Variants in SERPINA10 observed in about 807,000 individuals in gnomAD.
The protein encoded by SERPINA10 is serpin family A member 10, also known as protein Z-dependent protease inhibitor.
In SERPINA10, 24 loss-of-function variants were observed where a neutral mutation model predicts 28.0. The observed-to-expected ratio is 0.86, with a 90% CI of 0.62 to 1.20. The LOEUF (loss-of-function observed/expected upper bound fraction) is 1.20. Among genes scored for constraint, SERPINA10 ranks in the 50% most tolerant of loss-of-function variants. SERPINA10 has a pLI of 0.00. For synonymous variants in SERPINA10, 207 were observed against 203.9 expected (o/e 1.02, Z -0.13); for missense variants, 521 against 537.7 (o/e 0.97, Z 0.31).
Position 94,283,737 on chromosome 14 carries a change from AATAT to A in SERPINA10, c.*224_*227del. ...TCATAGGTATGTATGTGTAGGAAAAAATATATATAAGGTTCAGCACTGTCCACCG... is the reference window on the plus strand; with the variant it reads ...TCATAGGTATGTATGTGTAGGAAAAAATATAAGGTTCAGCACTGTCCACCG... On this transcript the variant is annotated 3_prime_UTR_variant, in exon 5 of 5. Coordinates refer to ENST00000261994, the MANE Select transcript of SERPINA10 (RefSeq NM_001100607.3). The A allele has an allele frequency of 3.5e-6, 2 of 568,814 alleles. No homozygotes were observed. 35.2% of individuals were successfully genotyped at this position (568,814 alleles called of 1,614,324 possible).
At chr14:94,286,449 G>C (rs1024758443) in intron 3 of SERPINA10, among the ~76,000 whole-genome samples, 191 bp from the exon 4 acceptor site, 6 of 152,174 alleles carry the variant, frequency 3.9e-5, no homozygotes, top group African/African-American at 1.4e-4. Context: ...TAGTACTTCA[G>C]CTTCAGTGAA....
intron 3 of SERPINA10, among the ~76,000 whole-genome samples, chr14:94,286,872 G>A (rs1203664284): frequency 6.6e-6 from 1 of 152,152 alleles, no homozygotes; most frequent in East Asian, 1.9e-4. Flanking sequence ...GAGGGCTTAT[G>A]ATGTTTGGGG....
intron 4 of SERPINA10, among the ~76,000 whole-genome samples, chr14:94,285,098 C>G (rs992879842): frequency 6.6e-6 from 1 of 152,228 alleles, no homozygotes; most frequent in Admixed American, 6.5e-5. Flanking sequence ...TTTAGTCTCT[C>G]TTGGAATTGA....
intron 2 of SERPINA10, among the ~76,000 whole-genome samples, chr14:94,289,028 T>C (rs183331006): frequency 1.3e-5 from 2 of 152,324 alleles, no homozygotes; most frequent in East Asian, 3.9e-4. Context: ...ACCCACCCAC[T>C]GTTTAGTGTG....
intron 4 of SERPINA10, among the ~76,000 whole-genome samples, chr14:94,285,607 TA>T (rs1895004484): frequency 1.3e-5 from 2 of 152,068 alleles, no homozygotes; most frequent in African/African-American, 4.8e-5. Flanking sequence ...ATAACAATTT[TA>T]GCTATTTGTG....
chr14:94,284,959 A>G (rs147460320), intron 4 of SERPINA10, among the ~76,000 whole-genome samples: 2 of 152,316 alleles, frequency 1.3e-5, no homozygotes, highest in Middle Eastern at 3.4e-3. Context: ...TCATGTGTTC[A>G]TAGCAGAAAC....
At chr14:94,288,681 A>G (rs1895086417) in intron 2 of SERPINA10, 122 bp from the exon 3 acceptor site, 7 of 1,338,486 alleles carry the variant, frequency 5.2e-6, no homozygotes, top group African/African-American at 1.4e-5. Flanking sequence ...TCTCGTTCCA[A>G]CTAGGAAAGG....
rs768248475 is a variant in SERPINA10 at position 94,290,022 on chromosome 14, A to G, written c.572T>C (p.Val191Ala). 9.9e-6 allele frequency: 16 copies of G among 1,614,204 alleles called. No homozygotes were observed. The highest frequency in any genetic ancestry group is 1.4e-5 in the Non-Finnish European group (16 of 1,180,046). Reference sequence around the variant, plus strand: ...TGAGGCATTGCGAAAATTCATAGGCACGCACTCTGTATCAAAATACCTCTT... The same window carrying G: ...TGAGGCATTGCGAAAATTCATAGGCGCGCACTCTGTATCAAAATACCTCTT... ...LSKRYFDTEC[V>A]PMNFRNASQA... The change falls in exon 2 of 5, where the codon GTG becomes GCG. Residue 191 changes from valine to alanine, a missense_variant. Val to Ala is a moderately conservative substitution (Grantham distance 64). Coordinates refer to ENST00000261994, the MANE Select transcript of SERPINA10 (RefSeq NM_001100607.3).
At chr14:94,292,468 G>A (rs549208607) in intron 1 of SERPINA10, 168 of 622,608 alleles carry the variant, frequency 2.7e-4, no homozygotes, top group African/African-American at 2.0e-3. Flanking sequence ...AAACGATTAC[G>A]TGGCATCATT....
intron 2 of SERPINA10, among the ~76,000 whole-genome samples, chr14:94,289,202 C>T (rs1192464577): frequency 6.6e-6 from 1 of 152,236 alleles, no homozygotes; most frequent in Non-Finnish European, 1.5e-5. Flanking sequence ...GCATCCAACC[C>T]ACGTCCAGTG....
chr14:94,289,952 C>T lies in SERPINA10; in HGVS notation c.642G>A (p.Arg214=), dbSNP rs766781288. The T allele has an allele frequency of 6.2e-7, 1 of 1,614,150 alleles. No homozygotes were observed. Among genetic ancestry groups the T allele is most frequent in the Non-Finnish European group, 8.5e-7 (1 of 1,180,014 alleles). The part of the protein sequence containing the change: ...LMNHYINKET[R]GKIPKLFDEI... ...CATCAAACAGTTTGGGAATTTTCCC[C>T]CGAGTCTCTTTGTTAATGTAATGAT... Residue 214 remains arginine (R), a synonymous_variant, in exon 2 of 5, where the codon CGG becomes CGA. Transcript: ENST00000261994.
At position 94,281,779 on chromosome 14, in the gene SERPINA10, G is replaced by T. The variant is rs1250072868; in HGVS notation, c.*2186C>A. On this transcript the variant is annotated 3_prime_UTR_variant, in exon 5 of 5. Coordinates refer to ENST00000261994, the MANE Select transcript of SERPINA10 (RefSeq NM_001100607.3). Reference sequence around the variant, plus strand: ...TGTATGTGGTGGGAAGAAGGCAGGAGTTTTTTATCTGCATGCTATATGAAT... The same window carrying T: ...TGTATGTGGTGGGAAGAAGGCAGGATTTTTTTATCTGCATGCTATATGAAT... The T allele has an allele frequency of 6.6e-6, 1 of 152,120 alleles. No homozygotes were observed. The highest frequency in any genetic ancestry group is 1.5e-5 in the Non-Finnish European group (1 of 68,012). The allele number at this position is 152,120 out of a possible 1,614,324, so 9.4% of individuals were successfully genotyped here. A position where few individuals can be genotyped will look rare whatever the true frequency, so the allele number is the denominator to read the frequency against.
Position 94,290,354 on chromosome 14 carries a change from T to C in SERPINA10, c.240A>G (p.Ser80=). Reference sequence around the variant, plus strand: ...TTCGCAGCAGGCTGAATCCGAAGTTTGAAGTCTCCTTGGCAAGCTGCTGCC... The same window carrying C: ...TTCGCAGCAGGCTGAATCCGAAGTTCGAAGTCTCCTTGGCAAGCTGCTGCC... ...ASRQQLAKET[S]NFGFSLLRKI... is the part of the protein sequence containing the mutation. Residue 80 remains serine, a synonymous_variant, in exon 2 of 5, where the codon TCA becomes TCG. Coordinates refer to ENST00000261994, the MANE Select transcript of SERPINA10 (RefSeq NM_001100607.3). 6.2e-7 allele frequency: 1 copy of C among 1,614,222 alleles called. No individual in the cohort carries two copies. The highest frequency in any genetic ancestry group is 2.2e-5 in the East Asian group (1 of 44,872).
At chr14:94,286,304 G>A (rs748459615) in intron 3 of SERPINA10, 46 bp from the exon 4 acceptor site, 3 of 1,607,578 alleles carry the variant, frequency 1.9e-6, no homozygotes, top group Non-Finnish European at 2.5e-6. Flanking sequence ...CAAAGCCCTA[G>A]TCTGTGGACA....
At chr14:94,288,582 C>T (rs1895084156) in intron 2 of SERPINA10, 23 bp from the exon 3 acceptor site, 2 of 1,613,976 alleles carry the variant, frequency 1.2e-6, no homozygotes, top group African/African-American at 1.3e-5. Flanking sequence ...GAGAAGAACT[C>T]ATTGCAGAAA....
intron 3 of SERPINA10, among the ~76,000 whole-genome samples, chr14:94,287,607 A>G (rs960315160): frequency 4.6e-5 from 7 of 152,134 alleles, no homozygotes; most frequent in Non-Finnish European, 4.4e-5. Context: ...AGAAGTCAAA[A>G]TCAGGTTGCT....
chr14:94,290,526 G>A lies in SERPINA10; in HGVS notation c.68C>T (p.Ala23Val), dbSNP rs781406173. The A allele has an allele frequency of 6.2e-6, 10 of 1,612,806 alleles. No individual in the cohort carries two copies. In the East Asian group the frequency reaches 1.8e-4, roughly 29 times the overall value. Residue 23 changes from alanine (A) to valine (V), a missense_variant, in exon 2 of 5, where the codon GCC becomes GTC. Transcript: ENST00000261994. The part of the protein sequence containing the change: ...LAQVWLVPGL[A>V]PSPQSPETPA... ...GGTCTCTGGCGACTGAGGACTGGGG[G>A]CCAAGCCGGGTACCAGCCACACCTG...
chr14:94,283,878 C>G lies in SERPINA10; in HGVS notation c.*87G>C. 7.6e-7 allele frequency: 1 copy of G among 1,311,220 alleles called. No individual in the cohort carries two copies. 81.2% of individuals were successfully genotyped at this position (1,311,220 alleles called of 1,614,324 possible). A position where few individuals can be genotyped will look rare whatever the true frequency, so the allele number is the denominator to read the frequency against. ...TTAAGAACAAAAGGAACACTCTCCC[C>G]TGCCATCCATTGCTGGTATCCTGTG... On this transcript the variant is annotated 3_prime_UTR_variant, in exon 5 of 5. Coordinates refer to ENST00000261994, the MANE Select transcript of SERPINA10 (RefSeq NM_001100607.3).
chr14:94,291,935 C>T lies in SERPINA10; in HGVS notation c.-51+1254G>A, dbSNP rs186290784. 2.2e-3 allele frequency among the ~76,000 whole-genome samples: 334 copies of T among 152,350 alleles called. 1 individual carries two copies. Among genetic ancestry groups the T allele is most frequent in the African/African-American group, 7.7e-3 (321 of 41,588 alleles). ...GCAGTCTGAACGGCACTACCCTCTC[C>T]CCTGTAGAAGCAGTGAAATACTTCC... is the stretch of plus-strand genomic sequence containing the variant. On this transcript the variant is annotated intron_variant, in intron 1 of 4. Transcript: ENST00000261994.
Sources: allele counts gnomAD v4.1 joint callset (sites outside exome capture counted in the v4.1 genomes callset), GRCh38; gene constraint gnomAD v4.1.1; transcripts MANE v1.5; gene names NCBI Gene and HGNC (gene_info 2026-07-23, HGNC 2026-07-21).